The following MTREX variants were observed in gnomAD, a reference collection of about 807,000 sequenced individuals.
MTREX encodes the protein exosome RNA helicase MTR4.
A neutral mutation model predicts 135.4 loss-of-function variants in MTREX; 76 were observed. The observed-to-expected ratio is 0.56, with a 90% CI of 0.47 to 0.68. The LOEUF is 0.68. Among genes scored for constraint, MTREX ranks in the 30% least tolerant of loss-of-function variants. The pLI is 0.00. For missense variants in MTREX, 920 were observed against 1,262.1 expected (o/e 0.73, Z 4.11); for synonymous variants, 404 against 401.6 (o/e 1.01, Z -0.07).
intron 7 of MTREX, 81 bp from the exon 8 acceptor site, chr5:55,343,250 C>T (rs1324211178): frequency 3.2e-6 from 4 of 1,253,488 alleles, no homozygotes; most frequent in Middle Eastern, 4.5e-4. Flanking sequence ...TATAAAGCTT[C>T]AGAGAATATA....
At chr5:55,342,582 T>A (rs996158289) in intron 7 of MTREX, among the ~76,000 whole-genome samples, 3 of 152,246 alleles carry the variant, frequency 2.0e-5, no homozygotes, top group African/African-American at 7.2e-5. Flanking sequence ...TGTAGGGTGC[T>A]GGCAGGGCTA....
Position 55,366,785 on chromosome 5 carries a change from C to T in MTREX, c.1720C>T (p.Leu574=), listed in dbSNP as rs200223032. The T allele has an allele frequency of 1.6e-5, 26 of 1,611,324 alleles. No individual in the cohort carries two copies. Among genetic ancestry groups the T allele is most frequent in the Middle Eastern group, 1.6e-4 (1 of 6,076 alleles). ...GACCTACAACATGGTTTTGAACTTA[C>T]TACGTGTAGAAGAAATTAATCCTGA... The part of the protein sequence containing the change: ...HLTYNMVLNL[L]RVEEINPEYM... The change falls in exon 16 of 27, where the codon CTA becomes TTA. Residue 574 remains leucine, a synonymous_variant. Coordinates refer to ENST00000230640, the MANE Select transcript of MTREX (RefSeq NM_015360.5).
At chr5:55,316,059 A>G (rs1012551775) in intron 1 of MTREX, among the ~76,000 whole-genome samples, 3 of 152,276 alleles carry the variant, frequency 2.0e-5, no homozygotes, top group African/African-American at 7.2e-5. Context: ...ATTCTTGGAC[A>G]CATACACCCT....
chr5:55,400,303 A>G lies in MTREX; in HGVS notation c.2363A>G (p.Gln788Arg), dbSNP rs1241132200. 1 of 1,613,436 alleles carries G rather than the reference A, an allele frequency of 6.2e-7. No homozygotes were observed. The highest frequency in any genetic ancestry group is 8.5e-7 in the Non-Finnish European group (1 of 1,179,666). The change falls in exon 21 of 27, where the codon CAA (glutamine) becomes CGA (arginine). Residue 788 changes from glutamine (Q) to arginine (R), a missense_variant. Around this residue, in one of 6 missense-constraint regions of MTREX, gnomAD observed 467 missense variants for 589.7 expected, o/e 0.79. Transcript: ENST00000230640. ...ATTGATGATATGGGCATTCAAGATCAAGGGCTGAAAAAAGTCATTCAGAAA... is the reference window on the plus strand; with the variant it reads ...ATTGATGATATGGGCATTCAAGATCGAGGGCTGAAAAAAGTCATTCAGAAA... ...DPIDDMGIQD[Q>R]GLKKVIQKVE... is the part of the protein sequence containing the mutation.
chr5:55,320,539 TAAAG>T (rs767991345), intron 1 of MTREX, among the ~76,000 whole-genome samples: 11 of 152,242 alleles, frequency 7.2e-5, no homozygotes, highest in East Asian at 1.9e-4. Flanking sequence ...AAATAAAACA[TAAAG>T]AAAAGTGTGC....
At chr5:55,418,774 G>GT (rs1391231007) in intron 25 of MTREX, among the ~76,000 whole-genome samples, 1 of 152,002 alleles carries the variant, frequency 6.6e-6, no homozygotes, top group Non-Finnish European at 1.5e-5. Context: ...TCTCTCTTTT[G>GT]TTTTTACAGT....
chr5:55,403,496 C>T (rs766592938), intron 21 of MTREX, among the ~76,000 whole-genome samples: 3 of 152,160 alleles, frequency 2.0e-5, no homozygotes, highest in Non-Finnish European at 2.9e-5. Context: ...AAATATTTCA[C>T]GTATTTTTAT....
chr5:55,330,846 C>G (rs983737468), intron 5 of MTREX, among the ~76,000 whole-genome samples: 20 of 151,988 alleles, frequency 1.3e-4, no homozygotes, highest in African/African-American at 4.6e-4. Context: ...TGTTCACAGC[C>G]CACTGAAGCT....
intron 1 of MTREX, among the ~76,000 whole-genome samples, chr5:55,309,710 T>G (rs1171176945): frequency 6.6e-6 from 1 of 152,176 alleles, no homozygotes; most frequent in Non-Finnish European, 1.5e-5. Context: ...TAATAGGGTT[T>G]TGGAGAGAGA....
rs147760620 is a variant in MTREX at position 55,379,345 on chromosome 5, C to T, written c.2052+150C>T. ...GAGGAATTAATTTTTGGAATACACC[C>T]GGCTAATTTTTGTATTTTTAGTAGA... On this transcript the variant is annotated intron_variant, in intron 18 of 26. Coordinates refer to ENST00000230640, the MANE Select transcript of MTREX (RefSeq NM_015360.5). 1,049 of 535,800 alleles carry T rather than the reference C, an allele frequency of 2.0e-3. 10 individuals are homozygous for T. Among genetic ancestry groups the T allele is most frequent in the African/African-American group, 0.017 (894 of 51,526 alleles). The allele number at this position is 535,800 out of a possible 1,614,324, so 33.2% of individuals were successfully genotyped here. A position where few individuals can be genotyped will look rare whatever the true frequency, so the allele number is the denominator to read the frequency against.
chr5:55,352,901 T>C (rs1041172680), intron 13 of MTREX, among the ~76,000 whole-genome samples: 1 of 152,298 alleles, frequency 6.6e-6, no homozygotes, highest in Non-Finnish European at 1.5e-5. Context: ...GTAAGACCAG[T>C]GTGTATTCTC....
chr5:55,391,762 C>T (rs755659576), intron 19 of MTREX, among the ~76,000 whole-genome samples: 15 of 152,072 alleles, frequency 9.9e-5, no homozygotes, highest in Admixed American at 3.3e-4. Flanking sequence ...TCTTTAAATC[C>T]ACCTATAACC....
At chr5:55,320,219 CTTTT>C (rs375766049) in intron 1 of MTREX, among the ~76,000 whole-genome samples, 2 of 136,688 alleles carry the variant, frequency 1.5e-5, no homozygotes, top group African/African-American at 2.7e-5. Flanking sequence ...ATTAAAAAGT[CTTTT>C]TTTTTTTTTT....
chr5:55,363,340 G>A (rs987506717), intron 15 of MTREX, among the ~76,000 whole-genome samples: 2 of 152,126 alleles, frequency 1.3e-5, no homozygotes, highest in African/African-American at 2.4e-5. Flanking sequence ...ATTCTAAAAT[G>A]TAAGAGATCA....
chr5:55,392,769 G>C (rs1750590720), intron 19 of MTREX, among the ~76,000 whole-genome samples: 1 of 152,040 alleles, frequency 6.6e-6, no homozygotes, highest in South Asian at 2.1e-4. Flanking sequence ...AGAAATGTGT[G>C]GGAGCTTTTC....
At chr5:55,374,510 T>C (rs894303456) in intron 16 of MTREX, among the ~76,000 whole-genome samples, 2 of 151,872 alleles carry the variant, frequency 1.3e-5, no homozygotes, top group African/African-American at 4.8e-5. Flanking sequence ...GGTCTTGAAC[T>C]CCTGAGCTGA....
chr5:55,424,634 T>C lies in MTREX; in HGVS notation c.3077-86T>C, dbSNP rs555179395. On this transcript the variant is annotated intron_variant, in intron 26 of 26. Transcript: ENST00000230640. ...GCTCGCTTACCAGTTGAATCAGGGTTGGTATACTGGCTTTAAAATTTCGGT... is the reference window on the plus strand; with the variant it reads ...GCTCGCTTACCAGTTGAATCAGGGTCGGTATACTGGCTTTAAAATTTCGGT... 19 of 866,030 alleles carry C rather than the reference T, an allele frequency of 2.2e-5. No individual in the cohort carries two copies. In the East Asian group the frequency reaches 4.4e-4, roughly 20 times the overall value. The allele number at this position is 866,030 out of a possible 1,614,324, so 53.6% of individuals were successfully genotyped here. A position where few individuals can be genotyped will look rare whatever the true frequency, so the allele number is the denominator to read the frequency against.
At position 55,378,313 on chromosome 5, in the gene MTREX, G is replaced by T. The variant is rs1415263995; in HGVS notation, c.1811-1G>T. On this transcript the variant is annotated splice_acceptor_variant, in intron 16 of 26. Transcript: ENST00000230640. LOFTEE classifies it high-confidence loss of function. ...ATTTTGTACATGTGTTCTATTTACA[G>T]AGGTAAAGAATTCAGAAGAACAGTA... is the stretch of plus-strand genomic sequence containing the variant. 4 of 1,587,594 alleles carry T rather than the reference G, an allele frequency of 2.5e-6. No individual in the cohort carries two copies. Among genetic ancestry groups the T allele is most frequent in the Non-Finnish European group, 3.4e-6 (4 of 1,172,040 alleles).
chr5:55,343,215 C>A, intron 7 of MTREX, 116 bp from the exon 8 acceptor site: 1 of 918,596 alleles, frequency 1.1e-6, no homozygotes. Context: ...TTAAAATATT[C>A]TTGAGTAAAG....
Sources: gnomAD v4.1 joint callset for allele counts (sites outside exome capture counted in the v4.1 genomes callset) on GRCh38, gnomAD v4.1.1 for gene constraint, gnomAD v4.1.1 regional missense constraint, MANE v1.5 for transcripts, NCBI Gene and HGNC (gene_info 2026-07-23, HGNC 2026-07-21) for gene names.